TBC1D16: variants seen among roughly 807,000 people sequenced by gnomAD.
TBC1D16 encodes the protein CTD-2529O21.1.
TBC1D16 carries 58 observed loss-of-function variants against 74.7 expected under a neutral mutation model. The ratio of observed to expected loss-of-function variants is 0.78; its 90% CI spans 0.63 to 0.97. The LOEUF is 0.97. TBC1D16 is among the 50% of genes least tolerant of loss of function. The probability of loss-of-function intolerance (pLI) is 0.00; values close to 1 mark genes in which losing one functional copy is unlikely to be tolerated. For synonymous variants in TBC1D16, 493 were observed against 474.7 expected, an observed-to-expected ratio of 1.04 and a Z score of -0.50; for missense variants, 1,014 against 1,079.5, an observed-to-expected ratio of 0.94 and a Z score of 0.85.
At position 80,013,561 on chromosome 17, in the gene TBC1D16, T is replaced by C. The variant is rs760823667; in HGVS notation, c.-14A>G. The stretch of plus-strand genomic sequence containing the variant: ...GCCCAGAGACATTGCCGGGCAAGTG[T>C]TTCCATCCTCCGCATGCGTCGGCCC... On this transcript the variant is annotated 5_prime_UTR_variant, in exon 2 of 12. Transcript: ENST00000310924. 3.1e-5 allele frequency: 46 copies of C among 1,484,782 alleles called. No individual in the cohort carries two copies. Among genetic ancestry groups the C allele is most frequent in the South Asian group, 2.6e-4 (19 of 73,146 alleles). The allele number at this position is 1,484,782 out of a possible 1,614,324, so 92.0% of individuals were successfully genotyped here.
At position 79,961,320 on chromosome 17, in the gene TBC1D16, G is replaced by T. The variant is rs2033604568; in HGVS notation, c.780-8502C>A. ...GATACTCCTACTCACCTATTAGAAT[G>T]GCTACAGTGGACAAGACTGATCATA... On this transcript the variant is annotated intron_variant, in intron 3 of 11. Coordinates refer to ENST00000310924, the MANE Select transcript of TBC1D16 (RefSeq NM_019020.4). The surrounding 1 kb of genome is among the most constrained non-coding windows in gnomAD (Gnocchi z 4.8). 1.3e-5 allele frequency among the ~76,000 whole-genome samples: 2 copies of T among 152,212 alleles called. No individual in the cohort carries two copies. The highest frequency in any genetic ancestry group is 6.5e-5 in the Admixed American group (1 of 15,284).
At position 79,987,113 on chromosome 17, in the gene TBC1D16, T is replaced by C. The variant is rs2034871236; in HGVS notation, c.779+23047A>G. Among the ~76,000 whole-genome samples, 1 of 152,138 alleles carries C rather than the reference T, an allele frequency of 6.6e-6. No homozygotes were observed. The highest frequency in any genetic ancestry group is 2.1e-4 in the South Asian group (1 of 4,834). On this transcript the variant is annotated intron_variant, in intron 3 of 11. Transcript: ENST00000310924. The surrounding 1 kb of genome is among the most constrained non-coding windows in gnomAD (Gnocchi z 5.2). Reference sequence around the variant, plus strand: ...TGTCGCTGCCCAAGGCAGAACTGGCTGCCCACCAGGGGCAGGAGACTGGAT... The same window carrying C: ...TGTCGCTGCCCAAGGCAGAACTGGCCGCCCACCAGGGGCAGGAGACTGGAT...
At chr17:80,006,429 C>T (rs548766535) in intron 3 of TBC1D16, among the ~76,000 whole-genome samples, 31 of 152,080 alleles carry the variant, frequency 2.0e-4, no homozygotes, top group African/African-American at 7.5e-4. Context: ...GGGCTGGGGA[C>T]GCCTGCTCTA....
rs1315804117 is a variant in TBC1D16 at position 79,942,130 on chromosome 17, G to A, written c.1985C>T (p.Ala662Val). 6.2e-7 allele frequency: 1 copy of A among 1,611,302 alleles called. No homozygotes were observed. Among genetic ancestry groups the A allele is most frequent in the Non-Finnish European group, 8.5e-7 (1 of 1,179,276 alleles). ...GAAGTGCAGGAGCATCTGGTCCGTG[G>A]CCAGCTGCTGCTCGATGACGTCATC... ...YGDDVIEQQL[A>V]TDQMLLHFGN... is the part of the protein sequence containing the mutation. Residue 662 changes from alanine to valine, a missense_variant, in exon 11 of 12, where the codon GCC becomes GTC. Ala to Val is a moderately conservative substitution (Grantham distance 64). Coordinates refer to ENST00000310924, the MANE Select transcript of TBC1D16 (RefSeq NM_019020.4).
chr17:79,965,870 C>G (rs963501908), intron 3 of TBC1D16, among the ~76,000 whole-genome samples: 1 of 152,246 alleles, frequency 6.6e-6, no homozygotes, highest in African/African-American at 2.4e-5. Flanking sequence ...CAGTCAAGCT[C>G]CCATCCATAG....
chr17:79,967,416 A>G (rs565070105), intron 3 of TBC1D16, among the ~76,000 whole-genome samples: 2 of 152,294 alleles, frequency 1.3e-5, no homozygotes, highest in East Asian at 3.9e-4. Flanking sequence ...ACTGAAACCA[A>G]TAAATGAAGT....
At chr17:79,958,358 T>A (rs183919630) in intron 3 of TBC1D16, among the ~76,000 whole-genome samples, 1 of 152,184 alleles carries the variant, frequency 6.6e-6, no homozygotes, top group Non-Finnish European at 1.5e-5. Flanking sequence ...TAGCTGGGAT[T>A]ACAGGCGCCT....
intron 3 of TBC1D16, among the ~76,000 whole-genome samples, chr17:79,999,444 TCCAGGAAGAAAA>T (rs1568624006): frequency 6.7e-6 from 1 of 149,432 alleles, no homozygotes; most frequent in East Asian, 2.0e-4. Context: ...ACTTTGAAAG[TCCAGGAAGAAAA>T]CCAACCAAAA....
At position 79,941,958 on chromosome 17, in the gene TBC1D16, C is replaced by A. The variant is rs574775277; in HGVS notation, c.2055+102G>T. ...CATGGTGGGGATGGGGCTCTGGGGG[C>A]GGGGCCCACATCTGGGGCAGCCTCA... On this transcript the variant is annotated intron_variant, in intron 11 of 11. Transcript: ENST00000310924. This position sits in a 1 kb window ranked among gnomAD's most constrained non-coding sequence, Gnocchi z 4.3. The A allele has an allele frequency of 1.1e-4, 122 of 1,067,846 alleles. No individual in the cohort carries two copies. In the African/African-American group the frequency reaches 2.5e-3, roughly 22 times the overall value. 66.1% of individuals were successfully genotyped at this position (1,067,846 alleles called of 1,614,324 possible).
chr17:79,960,711 T>A (rs530295131), intron 3 of TBC1D16, among the ~76,000 whole-genome samples: 1 of 136,312 alleles, frequency 7.3e-6, no homozygotes, highest in Non-Finnish European at 1.5e-5. Flanking sequence ...GCCAACATCA[T>A]GCCACTGCAC....
At chr17:80,022,426 TGC>T (rs2036316995) in intron 1 of TBC1D16, among the ~76,000 whole-genome samples, 3 of 149,926 alleles carry the variant, frequency 2.0e-5, no homozygotes, top group Middle Eastern at 6.8e-3. Context: ...AACCTCTTCC[TGC>T]CAGGTTCAAG....
chr17:80,034,233 G>A (rs1204978883), intron 1 of TBC1D16, among the ~76,000 whole-genome samples: 1 of 106,916 alleles, frequency 9.4e-6, no homozygotes, highest in African/African-American at 3.7e-5. Context: ...ATAGAATGTT[G>A]CTCTATCACC....
chr17:80,032,510 A>G (rs2036809458), intron 1 of TBC1D16, among the ~76,000 whole-genome samples: 1 of 152,208 alleles, frequency 6.6e-6, no homozygotes, highest in South Asian at 2.1e-4. Flanking sequence ...TTCAAATCAG[A>G]TGCCACCAGA....
Position 79,988,104 on chromosome 17 carries a change from G to C in TBC1D16, c.779+22056C>G, listed in dbSNP as rs1288019085. Among the ~76,000 whole-genome samples the C allele has an allele frequency of 6.6e-6, 1 of 152,176 alleles. No homozygotes were observed. The highest frequency in any genetic ancestry group is 1.5e-5 in the Non-Finnish European group (1 of 68,022). Reference sequence around the variant, plus strand: ...CTTCTAAGTTCTTCTCTGTGAAAGCGTGTGTGTGTTTAGAAGGGAGAGGGG... The same window carrying C: ...CTTCTAAGTTCTTCTCTGTGAAAGCCTGTGTGTGTTTAGAAGGGAGAGGGG... On this transcript the variant is annotated intron_variant, in intron 3 of 11. Coordinates refer to ENST00000310924, the MANE Select transcript of TBC1D16 (RefSeq NM_019020.4). The surrounding 1 kb of genome is among the most constrained non-coding windows in gnomAD (Gnocchi z 5.7).
rs111273797 is a variant in TBC1D16, at chr17:79,982,990, C to T, written c.779+27170G>A. Among the ~76,000 whole-genome samples the T allele has an allele frequency of 6.8e-3, 1,034 of 152,306 alleles. 18 individuals are homozygous for T. The highest frequency in any genetic ancestry group is 0.024 in the African/African-American group (991 of 41,558). ...TGTGTACACGTAAATACTGAACCTG[C>T]GTCATCCACGTTTGTGCGGAATCCC... On this transcript the variant is annotated intron_variant, in intron 3 of 11. Coordinates refer to ENST00000310924, the MANE Select transcript of TBC1D16 (RefSeq NM_019020.4).
At chr17:80,023,148 G>T (rs1051066232) in intron 1 of TBC1D16, among the ~76,000 whole-genome samples, 1 of 149,918 alleles carries the variant, frequency 6.7e-6, no homozygotes, top group Non-Finnish European at 1.5e-5. Context: ...GATTTACCGC[G>T]AAATGGGACA....
rs2034310209 is a variant in TBC1D16, at chr17:79,975,866, G to A, written c.780-23048C>T. On this transcript the variant is annotated intron_variant, in intron 3 of 11. Coordinates refer to ENST00000310924, the MANE Select transcript of TBC1D16 (RefSeq NM_019020.4). The surrounding 1 kb of genome is among the most constrained non-coding windows in gnomAD (Gnocchi z 4.5). ...TGTGCAGAGACCGGGCAGAGCTCTG[G>A]GCTTCAGGATGGCAGCAGCAGCTCC... 6.6e-6 allele frequency among the ~76,000 whole-genome samples: 1 copy of A among 152,162 alleles called. No homozygotes were observed. Among genetic ancestry groups the A allele is most frequent in the Admixed American group, 6.5e-5 (1 of 15,280 alleles).
At chr17:79,995,262 G>A (rs1184741014) in intron 3 of TBC1D16, among the ~76,000 whole-genome samples, 1 of 150,792 alleles carries the variant, frequency 6.6e-6, no homozygotes, top group Non-Finnish European at 1.5e-5. Context: ...ATCGCACCAC[G>A]GCACTCCAGT....
chr17:80,029,728 G>A (rs1329484241), intron 1 of TBC1D16, among the ~76,000 whole-genome samples: 1 of 152,088 alleles, frequency 6.6e-6, no homozygotes, highest in Admixed American at 6.6e-5. Context: ...CTCATTCCAC[G>A]CGTATGAGCT....
Sources: allele counts gnomAD v4.1 joint callset (sites outside exome capture counted in the v4.1 genomes callset), GRCh38; gene constraint gnomAD v4.1.1; non-coding constraint Gnocchi (gnomAD v3.1); transcripts MANE v1.5; gene names NCBI Gene and HGNC (gene_info 2026-07-23, HGNC 2026-07-21).